The following CADM1 variants were observed in gnomAD, a reference collection of about 807,000 sequenced individuals.
CADM1 encodes the protein cell adhesion molecule 1.
A neutral mutation model predicts 53.1 loss-of-function variants in CADM1; 15 were observed. That is an observed-to-expected ratio of 0.28 (90% CI 0.19 to 0.44). CADM1 has a LOEUF of 0.44. Among genes scored for constraint, CADM1 ranks in the 20% least tolerant of loss-of-function variants. The probability of loss-of-function intolerance (pLI) is 1.00; values close to 1 mark genes in which losing one functional copy is unlikely to be tolerated. For synonymous variants in CADM1, 281 were observed against 243.0 expected (o/e 1.16, Z -1.45); for missense variants, 434 against 611.3 (o/e 0.71, Z 3.06).
chr11:115,439,429 T>C (rs1339817354), intron 1 of CADM1, among the ~76,000 whole-genome samples: 1 of 152,218 alleles, frequency 6.6e-6, no homozygotes, highest in Non-Finnish European at 1.5e-5. Flanking sequence ...CAAACATCTT[T>C]GCCTCCTAGT....
intron 1 of CADM1, among the ~76,000 whole-genome samples, chr11:115,435,588 C>T (rs927378764): frequency 3.3e-5 from 5 of 152,028 alleles, no homozygotes; most frequent in Non-Finnish European, 5.9e-5. Flanking sequence ...CAAAAATTAG[C>T]TGGGCGTGAC....
rs149898463 is a variant in CADM1 at position 115,257,142 on chromosome 11, G to C, written c.125-16722C>G. Among the ~76,000 whole-genome samples, 520 of 152,034 alleles carry C rather than the reference G, an allele frequency of 3.4e-3. 2 individuals are homozygous for C. The highest frequency in any genetic ancestry group is 0.011 in the African/African-American group (469 of 41,482). On this transcript the variant is annotated intron_variant, in intron 1 of 11. Coordinates refer to ENST00000331581, the MANE Select transcript of CADM1 (RefSeq NM_001301043.2). ...AAATCAACACTTCCAACTTTATACG[G>C]TAGTTTTTCTTTTTAAAAAAGTTTT...
intron 1 of CADM1, among the ~76,000 whole-genome samples, chr11:115,369,928 C>T (rs991965942): frequency 6.6e-6 from 1 of 152,154 alleles, no homozygotes; most frequent in African/African-American, 2.4e-5. Flanking sequence ...ATTTTCTTTG[C>T]AACAAATCTG....
chr11:115,305,920 A>AAAAT (rs1944355467), intron 1 of CADM1, among the ~76,000 whole-genome samples: 1 of 150,870 alleles, frequency 6.6e-6, no homozygotes, highest in African/African-American at 2.4e-5. Context: ...AAAAAAAAAA[A>AAAAT]AGAATATGCC....
intron 1 of CADM1, among the ~76,000 whole-genome samples, chr11:115,457,582 C>T (rs1948707206): frequency 6.6e-6 from 1 of 152,064 alleles, no homozygotes; most frequent in South Asian, 2.1e-4. Context: ...TTAAATAATT[C>T]AGCTCCCATT....
At chr11:115,188,773 GAGA>G (rs1322852165) in intron 10 of CADM1, among the ~76,000 whole-genome samples, 1 of 152,142 alleles carries the variant, frequency 6.6e-6, no homozygotes, top group African/African-American at 2.4e-5. Flanking sequence ...ACAGAAATTT[GAGA>G]AGTTCATCCT....
At chr11:115,280,339 A>G (rs954174036) in intron 1 of CADM1, among the ~76,000 whole-genome samples, 1 of 152,206 alleles carries the variant, frequency 6.6e-6, no homozygotes, top group Admixed American at 6.5e-5. Context: ...TGGCCACAAA[A>G]TGGAATGCCT....
At chr11:115,339,142 G>A (rs1344424250) in intron 1 of CADM1, among the ~76,000 whole-genome samples, 3 of 147,236 alleles carry the variant, frequency 2.0e-5, no homozygotes, top group Admixed American at 6.9e-5. Context: ...GAGAATATGC[G>A]GTGTTTGGTT....
intron 1 of CADM1, among the ~76,000 whole-genome samples, chr11:115,307,266 G>C (rs1245904265): frequency 6.6e-6 from 1 of 151,742 alleles, no homozygotes; most frequent in Non-Finnish European, 1.5e-5. Flanking sequence ...ACAATTACAA[G>C]AGCCCAAATA....
At chr11:115,243,679 T>A (rs1026655485) in intron 1 of CADM1, among the ~76,000 whole-genome samples, 2 of 152,222 alleles carry the variant, frequency 1.3e-5, no homozygotes, top group Admixed American at 1.3e-4. Flanking sequence ...AAGAGTGCAC[T>A]GTGACTTGAT....
chr11:115,366,252 A>C (rs2135110282), intron 1 of CADM1, among the ~76,000 whole-genome samples: 1 of 152,338 alleles, frequency 6.6e-6, no homozygotes, highest in African/African-American at 2.4e-5. Context: ...AGACTTGCTA[A>C]GCAAATTGCC....
intron 1 of CADM1, among the ~76,000 whole-genome samples, chr11:115,344,285 G>A (rs1477255850): frequency 1.3e-5 from 2 of 151,458 alleles, no homozygotes; most frequent in African/African-American, 4.9e-5. Flanking sequence ...TCCAATCTCT[G>A]GTACTAATCG....
intron 1 of CADM1, among the ~76,000 whole-genome samples, chr11:115,469,350 C>T (rs1476479212): frequency 6.6e-6 from 1 of 152,172 alleles, no homozygotes; most frequent in Non-Finnish European, 1.5e-5. Flanking sequence ...AATACAACAA[C>T]TCTATGAGGT....
At chr11:115,243,956 GAAC>G (rs1942325282) in intron 1 of CADM1, among the ~76,000 whole-genome samples, 1 of 152,210 alleles carries the variant, frequency 6.6e-6, no homozygotes, top group Non-Finnish European at 1.5e-5. Context: ...TTTAAGGGTG[GAAC>G]AATATCTGGC....
chr11:115,328,263 C>T (rs1029393704), intron 1 of CADM1, among the ~76,000 whole-genome samples: 1 of 151,962 alleles, frequency 6.6e-6, no homozygotes, highest in Middle Eastern at 3.2e-3. Context: ...TCTGCCTTCC[C>T]CAGCATTTAC....
At position 115,428,800 on chromosome 11, in the gene CADM1, C is replaced by T. The variant is rs899385639; in HGVS notation, c.124+75471G>A. On this transcript the variant is annotated intron_variant, in intron 1 of 11. Transcript: ENST00000331581. ...GTGTGCGTGTGTGTGTGTGTGTGTA[C>T]GTGTGTGCGCATATGAGCAGACTAG... 3.4e-5 allele frequency among the ~76,000 whole-genome samples: 5 copies of T among 148,938 alleles called. No individual in the cohort carries two copies. The South Asian group carries it at 6.4e-4, about 19-fold the overall frequency.
intron 1 of CADM1, among the ~76,000 whole-genome samples, chr11:115,464,182 T>C (rs961964467): frequency 7.9e-5 from 12 of 152,052 alleles, no homozygotes; most frequent in African/African-American, 2.9e-4. Context: ...ACAAGCAGCC[T>C]AGGTAGTGGC....
intron 1 of CADM1, among the ~76,000 whole-genome samples, chr11:115,370,188 T>C (rs753851251): frequency 2.6e-5 from 4 of 152,168 alleles, no homozygotes; most frequent in Non-Finnish European, 4.4e-5. Context: ...ATGGGTAAAG[T>C]GTTCCTTATA....
At chr11:115,400,858 G>A (rs75307881) in intron 1 of CADM1, among the ~76,000 whole-genome samples, 2,126 of 151,482 alleles carry the variant, frequency 0.014, 43 homozygotes, top group African/African-American at 0.048. Context: ...ATGCTGGGGA[G>A]GGTGTGGAGC....
Sources: allele counts gnomAD v4.1 joint callset (sites outside exome capture counted in the v4.1 genomes callset), GRCh38; gene constraint gnomAD v4.1.1; transcripts MANE v1.5; gene names NCBI Gene and HGNC (gene_info 2026-07-23, HGNC 2026-07-21).